The following OXSR1 variants were observed in gnomAD, a reference collection of about 807,000 sequenced individuals.
The protein encoded by OXSR1 is serine/threonine-protein kinase OSR1.
Under a neutral mutation model 79.8 loss-of-function variants are expected in OXSR1, and 24 were observed. The ratio of observed to expected loss-of-function variants is 0.30; its 90% CI spans 0.22 to 0.42. The LOEUF (loss-of-function observed/expected upper bound fraction) is 0.42. OXSR1 is among the 10% of genes least tolerant of loss of function. The pLI, the probability that OXSR1 is intolerant of heterozygous loss-of-function variation, is 1.00. For synonymous variants in OXSR1, 226 were observed against 209.2 expected (o/e 1.08, Z -0.69); for missense variants, 430 against 618.4 (o/e 0.70, Z 3.23).
At chr3:38,166,775 C>G (rs898658330) in intron 1 of OXSR1, among the ~76,000 whole-genome samples, 47 of 142,402 alleles carry the variant, frequency 3.3e-4, no homozygotes, top group African/African-American at 1.2e-3. Context: ...GGGCGACAAA[C>G]CCTGACTCTG....
In OXSR1 at chr3:38,187,417, A is replaced by G. The variant is rs74600834; in HGVS notation, c.184-3314A>G. Among the ~76,000 whole-genome samples the G allele has an allele frequency of 8.8e-3, 1,345 of 152,342 alleles. 21 individuals carry two copies. Among genetic ancestry groups the G allele is most frequent in the African/African-American group, 0.03 (1,252 of 41,570 alleles). On this transcript the variant is annotated intron_variant, in intron 2 of 17. Transcript: ENST00000311806. ...CACAGATTTCCTGGATGGAAAATACATTAGTAGTAGAATGAGCACTCAGTT... is the reference window on the plus strand; with the variant it reads ...CACAGATTTCCTGGATGGAAAATACGTTAGTAGTAGAATGAGCACTCAGTT...
chr3:38,240,895 A>G (rs995970981), intron 11 of OXSR1, among the ~76,000 whole-genome samples: 1 of 152,202 alleles, frequency 6.6e-6, no homozygotes, highest in African/African-American at 2.4e-5. Flanking sequence ...ATGGTTCTTC[A>G]TTGCGGTAGG....
intron 14 of OXSR1, among the ~76,000 whole-genome samples, chr3:38,248,086 T>C (rs944506239): frequency 3.3e-5 from 5 of 152,150 alleles, no homozygotes; most frequent in African/African-American, 7.2e-5. Flanking sequence ...ATCAGTCTTA[T>C]AATTGTGACG....
At chr3:38,240,700 T>TA (rs1290845869) in intron 11 of OXSR1, among the ~76,000 whole-genome samples, 1,875 of 133,052 alleles carry the variant, frequency 0.014, 21 homozygotes, top group African/African-American at 0.036. Flanking sequence ...AAAAGATACT[T>TA]AAAAAAAAAA....
intron 8 of OXSR1, 51 bp downstream of exon 8, chr3:38,224,755 A>T (rs1702657148): frequency 7.7e-7 from 1 of 1,304,494 alleles, no homozygotes; most frequent in African/African-American, 1.5e-5. Flanking sequence ...CATTGTGAGA[A>T]GTCTAAGAAT....
intron 11 of OXSR1, among the ~76,000 whole-genome samples, chr3:38,241,830 G>A (rs1365926264): frequency 2.7e-5 from 4 of 149,542 alleles, no homozygotes; most frequent in Non-Finnish European, 5.9e-5. Flanking sequence ...AAAGGTTTTG[G>A]GTTGGTCACT....
chr3:38,252,451 C>T, intron 17 of OXSR1, 59 bp downstream of exon 17: 1 of 1,094,982 alleles, frequency 9.1e-7, no homozygotes, highest in Non-Finnish European at 1.4e-6. Context: ...GCAGCTTCTC[C>T]AGACCAGCTT....
intron 4 of OXSR1, among the ~76,000 whole-genome samples, chr3:38,215,180 T>G (rs1702459403): frequency 1.3e-5 from 2 of 152,202 alleles, no homozygotes; most frequent in African/African-American, 4.8e-5. Flanking sequence ...CTTATTTGAT[T>G]TGTTCATTTA....
At chr3:38,218,866 T>G (rs940477343) in intron 5 of OXSR1, among the ~76,000 whole-genome samples, 4 of 152,178 alleles carry the variant, frequency 2.6e-5, no homozygotes, top group African/African-American at 9.7e-5. Flanking sequence ...TGATTCCACC[T>G]TCTATATTAG....
chr3:38,241,350 C>T (rs1206575459), intron 11 of OXSR1, among the ~76,000 whole-genome samples: 2 of 151,916 alleles, frequency 1.3e-5, no homozygotes, highest in Non-Finnish European at 2.9e-5. Flanking sequence ...ATCTAAGAAA[C>T]GTGAAAACTA....
chr3:38,178,618 ATATT>A (rs1463067347), intron 1 of OXSR1, among the ~76,000 whole-genome samples: 76 of 86,716 alleles, frequency 8.8e-4, no homozygotes, highest in African/African-American at 3.6e-3. Context: ...ATATATATAT[ATATT>A]TTTTTTTTTT....
rs1703313847 is a variant in OXSR1 at position 38,254,130 on chromosome 3, G to A, written c.*1239G>A. 2.5e-6 allele frequency: 1 copy of A among 398,524 alleles called. No individual in the cohort carries two copies. Among genetic ancestry groups the A allele is most frequent in the Non-Finnish European group, 4.4e-6 (1 of 225,828 alleles). 24.7% of individuals were successfully genotyped at this position (398,524 alleles called of 1,614,324 possible). On this transcript the variant is annotated 3_prime_UTR_variant, in exon 18 of 18. Coordinates refer to ENST00000311806, the MANE Select transcript of OXSR1 (RefSeq NM_005109.3). Reference sequence around the variant, plus strand: ...GTCTAACTGCTAGTAACCCTACCGAGTTTTATATATGAGTGGGATACTCAA... The same window carrying A: ...GTCTAACTGCTAGTAACCCTACCGAATTTTATATATGAGTGGGATACTCAA...
intron 2 of OXSR1, among the ~76,000 whole-genome samples, chr3:38,190,360 A>C (rs1701960964): frequency 6.6e-6 from 1 of 152,216 alleles, no homozygotes; most frequent in Non-Finnish European, 1.5e-5. Flanking sequence ...AACTATAAAA[A>C]AACCCTGTTT....
At chr3:38,252,106 T>C (rs1198009101) in intron 16 of OXSR1, among the ~76,000 whole-genome samples, 1 of 152,198 alleles carries the variant, frequency 6.6e-6, no homozygotes, top group African/African-American at 2.4e-5. Context: ...CCTAGGTTAA[T>C]ACAACATTTT....
intron 4 of OXSR1, among the ~76,000 whole-genome samples, chr3:38,212,371 C>G (rs1702405255): frequency 6.6e-6 from 1 of 152,210 alleles, no homozygotes; most frequent in African/African-American, 2.4e-5. Context: ...TGTGTTTCCT[C>G]TTTGACTTCT....
chr3:38,177,360 C>A (rs1318734778), intron 1 of OXSR1, among the ~76,000 whole-genome samples: 2 of 152,196 alleles, frequency 1.3e-5, no homozygotes, highest in African/African-American at 2.4e-5. Flanking sequence ...GCAAACACTA[C>A]CATTCTGCCT....
chr3:38,212,163 T>C (rs1702400793), intron 4 of OXSR1, among the ~76,000 whole-genome samples: 1 of 152,190 alleles, frequency 6.6e-6, no homozygotes, highest in African/African-American at 2.4e-5. Flanking sequence ...CTGAGACTAT[T>C]ACTTAGACTT....
chr3:38,255,203 A>G lies in OXSR1; in HGVS notation c.*2312A>G, dbSNP rs1338509607. ...TGGAGTAGGGACTAACTATAGCACA[A>G]AGTAATATGTGCCAATGCTATTTGT... On this transcript the variant is annotated 3_prime_UTR_variant, in exon 18 of 18. Transcript: ENST00000311806. 3 of 152,606 alleles carry G rather than the reference A, an allele frequency of 2.0e-5. No homozygotes were observed. The highest frequency in any genetic ancestry group is 2.9e-5 in the Non-Finnish European group (2 of 68,030). 9.5% of individuals were successfully genotyped at this position (152,606 alleles called of 1,614,324 possible).
intron 1 of OXSR1, 141 bp from the exon 2 acceptor site, chr3:38,182,862 T>TA (rs1175823794): frequency 2.1e-6 from 1 of 466,378 alleles, no homozygotes; most frequent in Non-Finnish European, 3.8e-6. Context: ...TAACTGACAC[T>TA]CTTTAGAGCA....
Sources: gnomAD v4.1 joint callset for allele counts (sites outside exome capture counted in the v4.1 genomes callset) on GRCh38, gnomAD v4.1.1 for gene constraint, MANE v1.5 for transcripts, NCBI Gene and HGNC (gene_info 2026-07-23, HGNC 2026-07-21) for gene names.